Variants in CEP135 observed in about 807,000 individuals in gnomAD.
CEP135 encodes centrosomal protein 135, also known as centrosomal protein of 135 kDa.
A neutral mutation model predicts 157.3 loss-of-function variants in CEP135; 142 were observed. The observed-to-expected ratio is 0.90, with a 90% confidence interval of 0.79 to 1.04. The LOEUF is 1.04. CEP135 is among the 50% of genes least tolerant of loss of function. The probability of loss-of-function intolerance (pLI) is 0.00; values close to 1 mark genes in which losing one functional copy is unlikely to be tolerated. For synonymous variants in CEP135, 396 were observed against 439.8 expected (o/e 0.90, Z 1.25); for missense variants, 1,317 against 1,309.2 (o/e 1.01, Z -0.09).
At chr4:55,978,912 G>C (rs1401066936) in intron 11 of CEP135, among the ~76,000 whole-genome samples, 1 of 152,172 alleles carries the variant, frequency 6.6e-6, no homozygotes, top group Non-Finnish European at 1.5e-5. Flanking sequence ...CATTGGTTAA[G>C]TCCCAAAACA....
chr4:55,991,740 T>A (rs937213492), intron 14 of CEP135, among the ~76,000 whole-genome samples, 194 bp from the exon 15 acceptor site: 1 of 152,180 alleles, frequency 6.6e-6, no homozygotes, highest in South Asian at 2.1e-4. Context: ...GTATCTTTAA[T>A]GGTAGTGAGG....
At chr4:56,008,262 A>C (rs757282711) in intron 17 of CEP135, 65 bp from the exon 18 acceptor site, 1 of 1,143,664 alleles carries the variant, frequency 8.7e-7, no homozygotes, top group Non-Finnish European at 1.3e-6. Flanking sequence ...GAATATGACA[A>C]GTTACATAAA....
chr4:56,031,070 T>A (rs1468465582), intron 25 of CEP135, among the ~76,000 whole-genome samples: 2 of 151,810 alleles, frequency 1.3e-5, no homozygotes, highest in Non-Finnish European at 2.9e-5. Context: ...AGATCAAGAC[T>A]GCAGTGAGCT....
Position 55,999,534 on chromosome 4 carries a change from T to C in CEP135, c.2169T>C (p.His723=), listed in dbSNP as rs757142920. The change falls in exon 17 of 26, where the codon CAT becomes CAC. Residue 723 remains histidine (H), a synonymous_variant. Transcript: ENST00000257287. ...LKMTSQDEEA[H]VMKKTIGVID... is the part of the protein sequence containing the mutation. ...TGACTTCACAGGATGAGGAGGCTCA[T>C]GTAATGAAAAAGACCATTGGTGTTA... The C allele has an allele frequency of 4.3e-6, 7 of 1,610,976 alleles. No individual in the cohort carries two copies. The highest frequency in any genetic ancestry group is 3.3e-5 in the South Asian group (3 of 90,242).
intron 13 of CEP135, among the ~76,000 whole-genome samples, chr4:55,982,653 A>G (rs1215466384): frequency 6.6e-6 from 1 of 152,162 alleles, no homozygotes; most frequent in South Asian, 2.1e-4. Context: ...TTCTTTATAT[A>G]TTCTACATAC....
At chr4:55,999,709 T>C (rs537756536) in intron 17 of CEP135, 64 bp downstream of exon 17, 2 of 1,506,954 alleles carry the variant, frequency 1.3e-6, no homozygotes, top group Admixed American at 2.1e-5. Flanking sequence ...GTTTTTGTTT[T>C]TGAGATGGGG....
chr4:56,008,365 G>A lies in CEP135; in HGVS notation c.2319G>A (p.Glu773=), dbSNP rs750213697. ...CTCAAATGAAGATAATGATCTCAGAGTGTGAATCATCTGTGAAGTAAGTCA... is the reference window on the plus strand; with the variant it reads ...CTCAAATGAAGATAATGATCTCAGAATGTGAATCATCTGTGAAGTAAGTCA... ...AVAQMKIMIS[E]CESSVNQLKE... Residue 773 remains glutamate (E), a synonymous_variant, in exon 18 of 26, where the codon GAG becomes GAA. Transcript: ENST00000257287. 7 of 1,610,010 alleles carry A rather than the reference G, an allele frequency of 4.3e-6. No individual in the cohort carries two copies. Among genetic ancestry groups the A allele is most frequent in the African/African-American group, 1.3e-5 (1 of 74,818 alleles).
chr4:55,979,604 G>A (rs1729332507), intron 11 of CEP135, among the ~76,000 whole-genome samples: 1 of 152,310 alleles, frequency 6.6e-6, no homozygotes, highest in East Asian at 1.9e-4. Flanking sequence ...CCTGTACTGG[G>A]CGAGCAGGCA....
intron 13 of CEP135, among the ~76,000 whole-genome samples, chr4:55,983,459 A>G (rs1729476618): frequency 6.6e-6 from 1 of 152,166 alleles, no homozygotes; most frequent in Non-Finnish European, 1.5e-5. Flanking sequence ...AAATCCAAGC[A>G]TCATCCATCA....
At chr4:55,985,234 T>G in intron 13 of CEP135, 47 bp from the exon 14 acceptor site, 1 of 1,076,900 alleles carries the variant, frequency 9.3e-7, no homozygotes. Context: ...GTGATTTTGT[T>G]TTGTTATCTG....
chr4:56,010,675 A>C (rs1230476366), intron 19 of CEP135, among the ~76,000 whole-genome samples: 1 of 152,142 alleles, frequency 6.6e-6, no homozygotes, highest in East Asian at 1.9e-4. Context: ...TAAATGAATG[A>C]GTGTTTTAGA....
chr4:55,988,680 G>A (rs1261710172), intron 14 of CEP135, among the ~76,000 whole-genome samples: 2 of 143,592 alleles, frequency 1.4e-5, no homozygotes, highest in Non-Finnish European at 3.0e-5. Context: ...AAAAATGGCT[G>A]GGCGTGGTGG....
intron 14 of CEP135, among the ~76,000 whole-genome samples, chr4:55,989,971 G>T (rs1195024760): frequency 1.3e-5 from 2 of 152,204 alleles, no homozygotes; most frequent in Admixed American, 6.5e-5. Flanking sequence ...GCAGCCTCCA[G>T]TCTGTTTTTG....
intron 21 of CEP135, among the ~76,000 whole-genome samples, chr4:56,016,121 G>A (rs1362627097): frequency 6.6e-6 from 1 of 152,074 alleles, no homozygotes; most frequent in East Asian, 1.9e-4. Flanking sequence ...TGAAGATGGA[G>A]GCAGAGATTG....
chr4:56,021,930 C>T lies in CEP135; in HGVS notation c.3320+1150C>T, dbSNP rs546330868. Reference sequence around the variant, plus strand: ...CTGTAGTCCCAGCTACTCAGGAAGCCGAAGTGGGAGGATTGATTGAGCTCA... The same window carrying T: ...CTGTAGTCCCAGCTACTCAGGAAGCTGAAGTGGGAGGATTGATTGAGCTCA... On this transcript the variant is annotated intron_variant, in intron 24 of 25. Transcript: ENST00000257287. Among the ~76,000 whole-genome samples, 4 of 151,944 alleles carry T rather than the reference C, an allele frequency of 2.6e-5. No homozygotes were observed. In the South Asian group the frequency reaches 6.3e-4, roughly 24 times the overall value.
chr4:55,957,290 T>A lies in CEP135; in HGVS notation c.540T>A (p.Ser180=). The A allele has an allele frequency of 6.2e-7, 1 of 1,614,168 alleles. No homozygotes were observed. ...RMQIDEPVPP[S]EVSSYPVPQP... ...AAATTGATGAACCGGTTCCTCCCTC[T>A]GAAGTCAGTTCATATCCAGTTCCTC... is the stretch of plus-strand genomic sequence containing the variant. The change falls in exon 5 of 26, where the codon TCT becomes TCA. Residue 180 remains serine, a synonymous_variant. Transcript: ENST00000257287.
chr4:56,028,483 A>G (rs905581466), intron 25 of CEP135, among the ~76,000 whole-genome samples: 4 of 152,180 alleles, frequency 2.6e-5, no homozygotes, highest in African/African-American at 9.7e-5. Flanking sequence ...ATAATTTACA[A>G]TTAATTTTTG....
At chr4:55,988,980 A>AG (rs1729697603) in intron 14 of CEP135, among the ~76,000 whole-genome samples, 1 of 151,782 alleles carries the variant, frequency 6.6e-6, no homozygotes, top group African/African-American at 2.4e-5. Flanking sequence ...AAAAAAAAAA[A>AG]CATAATAAAA....
intron 12 of CEP135, 90 bp from the exon 13 acceptor site, chr4:55,981,137 C>T: frequency 8.3e-7 from 1 of 1,199,842 alleles, no homozygotes; most frequent in Non-Finnish European, 1.2e-6. Context: ...GTTCAGTATG[C>T]CTTTTTTAAC....
Sources: gnomAD v4.1 joint callset for allele counts (sites outside exome capture counted in the v4.1 genomes callset) on GRCh38, gnomAD v4.1.1 for gene constraint, MANE v1.5 for transcripts, NCBI Gene and HGNC (gene_info 2026-07-23, HGNC 2026-07-21) for gene names.